CNTN5: variants seen among roughly 807,000 people sequenced by gnomAD.
CNTN5 encodes the protein contactin 5.
Under a neutral mutation model 129.1 loss-of-function variants are expected in CNTN5, and 77 were observed. The ratio of observed to expected loss-of-function variants is 0.60; its 90% CI spans 0.50 to 0.72. CNTN5 has a LOEUF of 0.72. Among genes scored for constraint, CNTN5 ranks in the 30% least tolerant of loss-of-function variants. The pLI, the probability that CNTN5 is intolerant of heterozygous loss-of-function variation, is 0.00. For synonymous variants in CNTN5, 509 were observed against 465.6 expected, an observed-to-expected ratio of 1.09 and a Z score of -1.20; for missense variants, 1,478 against 1,328.8, an observed-to-expected ratio of 1.11 and a Z score of -1.75.
intron 2 of CNTN5, among the ~76,000 whole-genome samples, chr11:99,509,343 T>A (rs1946747611): frequency 2.0e-5 from 3 of 152,182 alleles, no homozygotes; most frequent in Non-Finnish European, 4.4e-5. Flanking sequence ...TCTCAAAAAA[T>A]TTGTAAACAA....
intron 3 of CNTN5, among the ~76,000 whole-genome samples, chr11:99,730,366 T>C (rs1943489407): frequency 6.6e-6 from 1 of 152,210 alleles, no homozygotes; most frequent in African/African-American, 2.4e-5. Flanking sequence ...GGTTTTACTT[T>C]ACAAAGAGAA....
chr11:100,269,461 T>A (rs191741497), intron 17 of CNTN5, among the ~76,000 whole-genome samples: 26 of 152,296 alleles, frequency 1.7e-4, no homozygotes, highest in Non-Finnish European at 3.2e-4. Flanking sequence ...GAAAAACACC[T>A]GCATGCTTGT....
At chr11:100,171,613 C>T (rs552530921) in intron 13 of CNTN5, among the ~76,000 whole-genome samples, 1 of 152,086 alleles carries the variant, frequency 6.6e-6, no homozygotes, top group Non-Finnish European at 1.5e-5. Context: ...CAGTTTTGAA[C>T]TATATCCAAT....
intron 1 of CNTN5, among the ~76,000 whole-genome samples, chr11:99,269,909 AT>A (rs1362056017): frequency 6.6e-6 from 1 of 151,658 alleles, no homozygotes; most frequent in Admixed American, 6.6e-5. Context: ...GGTAGTTGTT[AT>A]GCTTTTCTTC....
chr11:99,580,041 G>GT (rs934311793), intron 3 of CNTN5, among the ~76,000 whole-genome samples: 8 of 1,758 alleles, frequency 4.6e-3, no homozygotes, highest in Non-Finnish European at 0.014. Context: ...TTAGCATGAA[G>GT]GTTGTTGAAT....
chr11:99,457,426 A>G (rs2135219272), intron 2 of CNTN5, among the ~76,000 whole-genome samples: 1 of 152,002 alleles, frequency 6.6e-6, no homozygotes, highest in African/African-American at 2.4e-5. Flanking sequence ...GGATGATCAG[A>G]GCAGTTTTAA....
chr11:99,695,476 T>C (rs1591491604), intron 3 of CNTN5, among the ~76,000 whole-genome samples: 1 of 152,132 alleles, frequency 6.6e-6, no homozygotes, highest in Admixed American at 6.6e-5. Flanking sequence ...AGCTTTAGCA[T>C]AGAGTTAAGA....
chr11:99,163,883 G>C (rs1860740762), intron 1 of CNTN5, among the ~76,000 whole-genome samples: 1 of 152,152 alleles, frequency 6.6e-6, no homozygotes, highest in South Asian at 2.1e-4. Context: ...CTCTTATTTG[G>C]AGGTGAAAAC....
chr11:100,028,045 T>C (rs1416841474), intron 9 of CNTN5, among the ~76,000 whole-genome samples: 5 of 152,180 alleles, frequency 3.3e-5, no homozygotes, highest in African/African-American at 7.2e-5. Flanking sequence ...ATATTGCATA[T>C]TTTACCTGTC....
At chr11:99,462,646 A>G (rs1944757659) in intron 2 of CNTN5, among the ~76,000 whole-genome samples, 2 of 152,154 alleles carry the variant, frequency 1.3e-5, no homozygotes, top group African/African-American at 4.8e-5. Flanking sequence ...CATCCTCCAA[A>G]AGAGTCCGGT....
intron 21 of CNTN5, among the ~76,000 whole-genome samples, chr11:100,317,150 G>A (rs1039481357): frequency 3.3e-5 from 5 of 152,210 alleles, no homozygotes; most frequent in Admixed American, 2.0e-4. Context: ...GATTCCTTCA[G>A]GGGAGAAGCG....
intron 1 of CNTN5, among the ~76,000 whole-genome samples, chr11:99,249,961 G>C (rs939163170): frequency 3.3e-5 from 5 of 151,920 alleles, no homozygotes; most frequent in African/African-American, 1.2e-4. Context: ...AGAGTTGTTT[G>C]AGCTTTTTTG....
At chr11:99,789,558 C>T (rs969659304) in intron 3 of CNTN5, among the ~76,000 whole-genome samples, 1 of 151,970 alleles carries the variant, frequency 6.6e-6, no homozygotes, top group Non-Finnish European at 1.5e-5. Flanking sequence ...TATCACTTAG[C>T]TTCCTTTGCT....
intron 8 of CNTN5, among the ~76,000 whole-genome samples, chr11:99,986,489 C>G (rs971996552): frequency 6.6e-6 from 1 of 152,152 alleles, no homozygotes; most frequent in African/African-American, 2.4e-5. Flanking sequence ...GTTTTGTGCC[C>G]TAGACTCCAT....
At chr11:99,351,492 T>A (rs887049613) in intron 2 of CNTN5, among the ~76,000 whole-genome samples, 1 of 152,256 alleles carries the variant, frequency 6.6e-6, no homozygotes, top group East Asian at 1.9e-4. Context: ...TTTATGTTCC[T>A]TTCATTTTAA....
intron 3 of CNTN5, among the ~76,000 whole-genome samples, chr11:99,565,356 T>C (rs889476333): frequency 6.6e-6 from 1 of 152,148 alleles, no homozygotes; most frequent in Non-Finnish European, 1.5e-5. Flanking sequence ...CAATATTAAC[T>C]AGCAGAGAAG....
intron 16 of CNTN5, among the ~76,000 whole-genome samples, chr11:100,246,438 A>G (rs1447927326): frequency 6.6e-6 from 1 of 152,136 alleles, no homozygotes; most frequent in Non-Finnish European, 1.5e-5. Context: ...AGAGTACATA[A>G]ACATTTTCTA....
intron 2 of CNTN5, among the ~76,000 whole-genome samples, chr11:99,530,786 C>CA (rs1364339617): frequency 6.6e-6 from 1 of 152,194 alleles, no homozygotes; most frequent in Non-Finnish European, 1.5e-5. Context: ...GTTTCTTCCT[C>CA]ATTCTCTCTT....
chr11:99,904,838 A>C (rs1591394028), intron 6 of CNTN5, among the ~76,000 whole-genome samples: 1 of 152,082 alleles, frequency 6.6e-6, no homozygotes, highest in East Asian at 1.9e-4. Flanking sequence ...GCCATTCTAA[A>C]TGGCATGAGA....
Sources: gnomAD v4.1 joint callset for allele counts (sites outside exome capture counted in the v4.1 genomes callset) on GRCh38, gnomAD v4.1.1 for gene constraint, MANE v1.5 for transcripts, NCBI Gene and HGNC (gene_info 2026-07-23, HGNC 2026-07-21) for gene names.